Variants in ACSL3 observed in about 807,000 individuals in gnomAD.
ACSL3 encodes fatty acid CoA ligase Acsl3.
A neutral mutation model predicts 84.7 loss-of-function variants in ACSL3; 34 were observed. The ratio of observed to expected loss-of-function variants is 0.40; its 90% confidence interval spans 0.31 to 0.53. The LOEUF is 0.53. ACSL3 is among the 20% of genes least tolerant of loss of function. The pLI, the probability that ACSL3 is intolerant of heterozygous loss-of-function variation, is 0.48. For missense variants in ACSL3, 680 were observed against 873.1 expected, an observed-to-expected ratio of 0.78 and a Z score of 2.79; for synonymous variants, 315 against 299.4, an observed-to-expected ratio of 1.05 and a Z score of -0.54.
chr2:222,914,395 C>G (rs1420793138), intron 4 of ACSL3, among the ~76,000 whole-genome samples: 1 of 151,938 alleles, frequency 6.6e-6, no homozygotes, highest in East Asian at 1.9e-4. Context: ...TCCTAGGTAG[C>G]TGGGACGACA....
At chr2:222,924,801 A>G (rs550600580) in intron 11 of ACSL3, among the ~76,000 whole-genome samples, 1 of 152,232 alleles carries the variant, frequency 6.6e-6, no homozygotes, top group Admixed American at 6.5e-5. Flanking sequence ...AGGCAGGTGG[A>G]TCATGAGGTC....
rs372014875 is a variant in ACSL3, at chr2:222,899,566, T to C, written c.-147-1108T>C. On this transcript the variant is annotated intron_variant, in intron 2 of 16. Coordinates refer to ENST00000357430, the MANE Select transcript of ACSL3 (RefSeq NM_004457.5). The stretch of plus-strand genomic sequence containing the variant: ...AACCTGAAGGGAAGGTTCTCGGATC[T>C]TGCGCAAGAAAGAATTCAGGGCGAG... Among the ~76,000 whole-genome samples, 583 of 152,264 alleles carry C rather than the reference T, an allele frequency of 3.8e-3. 2 individuals are homozygous for C. The highest frequency in any genetic ancestry group is 0.02 in the Middle Eastern group (6 of 294).
intron 1 of ACSL3, among the ~76,000 whole-genome samples, chr2:222,866,335 T>TG (rs1695138898): frequency 6.6e-6 from 1 of 152,058 alleles, no homozygotes; most frequent in Admixed American, 6.6e-5. Context: ...TCGGTAGAGA[T>TG]GGGGTTTCAC....
chr2:222,872,544 A>G (rs1695333675), intron 1 of ACSL3, among the ~76,000 whole-genome samples: 1 of 152,192 alleles, frequency 6.6e-6, no homozygotes, highest in African/African-American at 2.4e-5. Flanking sequence ...CCCACCAGGT[A>G]CTTTGCTAGT....
At position 222,922,619 on chromosome 2, in the gene ACSL3, C is replaced by T. The variant is rs572285434; in HGVS notation, c.957-89C>T. On this transcript the variant is annotated intron_variant, in intron 8 of 16. Transcript: ENST00000357430. ...GCAAATTGATGCCCTGGGGCCCTTC[C>T]ATGTGCCTTCAAGCTTGCTCCCATT... is the stretch of plus-strand genomic sequence containing the variant. 2.3e-5 allele frequency: 36 copies of T among 1,536,484 alleles called. No individual in the cohort carries two copies. The South Asian group carries it at 4.1e-4, about 17-fold the overall frequency.
At chr2:222,882,885 A>G (rs1162222028) in intron 1 of ACSL3, among the ~76,000 whole-genome samples, 2 of 150,544 alleles carry the variant, frequency 1.3e-5, no homozygotes, top group East Asian at 2.0e-4. Flanking sequence ...CCGCTGCCTC[A>G]GCCTCCTGAG....
chr2:222,903,041 A>T (rs1696192725), intron 3 of ACSL3, among the ~76,000 whole-genome samples: 1 of 152,256 alleles, frequency 6.6e-6, no homozygotes, highest in South Asian at 2.1e-4. Context: ...AAGGAAGAAA[A>T]AAAAGTCAAA....
rs17177230 is a variant in ACSL3 at position 222,909,397 on chromosome 2, T to C, written c.378+247T>C. ...CCCCAGTGTCTACCAGGGTTTGGAATGTCTAGGGCAGTTTTGAGTATGAAA... is the reference window on the plus strand; with the variant it reads ...CCCCAGTGTCTACCAGGGTTTGGAACGTCTAGGGCAGTTTTGAGTATGAAA... On this transcript the variant is annotated intron_variant, in intron 4 of 16. Transcript: ENST00000357430. Among the ~76,000 whole-genome samples the C allele has an allele frequency of 4.7e-3, 711 of 152,280 alleles. 2 individuals are homozygous for C. The highest frequency in any genetic ancestry group is 6.8e-3 in the Middle Eastern group (2 of 294).
chr2:222,899,080 C>T (rs1696069293), intron 2 of ACSL3, among the ~76,000 whole-genome samples: 1 of 151,910 alleles, frequency 6.6e-6, no homozygotes, highest in Admixed American at 6.6e-5. Context: ...CTTTCACCGT[C>T]ATACGATATA....
chr2:222,921,940 G>C lies in ACSL3; in HGVS notation c.956+510G>C, dbSNP rs554669058. Among the ~76,000 whole-genome samples, 24 of 152,232 alleles carry C rather than the reference G, an allele frequency of 1.6e-4. No homozygotes were observed. In the South Asian group the frequency reaches 5.0e-3, roughly 32 times the overall value. On this transcript the variant is annotated intron_variant, in intron 8 of 16. Transcript: ENST00000357430. ...AGATGCAATTGGTATTCTGATGACC[G>C]ATAGGGTACAGTGGTTGGATATTTT...
At chr2:222,904,563 A>G (rs1012176614) in intron 3 of ACSL3, 3 of 152,628 alleles carry the variant, frequency 2.0e-5, no homozygotes, top group Non-Finnish European at 4.4e-5. Context: ...GGCTCTTGCT[A>G]CAAAGCATCA....
chr2:222,901,901 G>A (rs573423835), intron 3 of ACSL3, among the ~76,000 whole-genome samples: 8 of 125,720 alleles, frequency 6.4e-5, no homozygotes, highest in South Asian at 5.5e-4. Flanking sequence ...CCGAGATCGC[G>A]CCACTGCACT....
At chr2:222,911,578 T>C (rs1696441221) in intron 4 of ACSL3, among the ~76,000 whole-genome samples, 1 of 152,234 alleles carries the variant, frequency 6.6e-6, no homozygotes, top group Non-Finnish European at 1.5e-5. Flanking sequence ...TTCGTTTTTC[T>C]CCGGTATCCC....
At chr2:222,937,840 C>T (rs1697215017) in intron 16 of ACSL3, among the ~76,000 whole-genome samples, 1 of 151,978 alleles carries the variant, frequency 6.6e-6, no homozygotes, top group African/African-American at 2.4e-5. Flanking sequence ...ATTTTGTTAA[C>T]TATTTTCTGT....
At chr2:222,924,696 T>G (rs1171023140) in intron 11 of ACSL3, 101 bp downstream of exon 11, 3 of 1,278,110 alleles carry the variant, frequency 2.3e-6, no homozygotes, top group African/African-American at 3.2e-5. Flanking sequence ...AAGAAAGAAA[T>G]ATATTTCATA....
chr2:222,927,338 C>A, intron 12 of ACSL3, 149 bp downstream of exon 12: 3 of 770,986 alleles, frequency 3.9e-6, no homozygotes, highest in South Asian at 5.8e-5. Flanking sequence ...TCATTGATAT[C>A]AATTTTTAGA....
chr2:222,896,367 G>A (rs1426650712), intron 2 of ACSL3, among the ~76,000 whole-genome samples: 17 of 20,820 alleles, frequency 8.2e-4, no homozygotes, highest in Middle Eastern at 0.083. Flanking sequence ...GCGGCTGGCC[G>A]GGCGGGGGGC....
chr2:222,922,066 T>G (rs1696754931), intron 8 of ACSL3, among the ~76,000 whole-genome samples: 5 of 152,228 alleles, frequency 3.3e-5, no homozygotes, highest in Admixed American at 3.3e-4. Flanking sequence ...CTCTTACGTA[T>G]GCATACATTT....
chr2:222,942,240 A>G lies in ACSL3; in HGVS notation c.*586A>G, dbSNP rs1293335352. The G allele has an allele frequency of 1.1e-5, 2 of 188,230 alleles. No homozygotes were observed. The highest frequency in any genetic ancestry group is 2.2e-5 in the Non-Finnish European group (2 of 89,076). The allele number at this position is 188,230 out of a possible 1,614,324, so 11.7% of individuals were successfully genotyped here. A position where few individuals can be genotyped will look rare whatever the true frequency, so the allele number is the denominator to read the frequency against. On this transcript the variant is annotated 3_prime_UTR_variant, in exon 17 of 17. Transcript: ENST00000357430. ...TTTAAGAAGTTGAGATCTTGTGAAT[A>G]TATGCCTGTCAGTGTCTTCTTTATA...
Sources: gnomAD v4.1 joint callset for allele counts (sites outside exome capture counted in the v4.1 genomes callset) on GRCh38, gnomAD v4.1.1 for gene constraint, MANE v1.5 for transcripts, NCBI Gene and HGNC (gene_info 2026-07-23, HGNC 2026-07-21) for gene names.